CNOT2: variants seen among roughly 807,000 people sequenced by gnomAD.
CNOT2 encodes CCR4-NOT transcription complex subunit 2.
Under a neutral mutation model 72.1 loss-of-function variants are expected in CNOT2, and 7 were observed. The ratio of observed to expected loss-of-function variants is 0.10; its 90% CI spans 0.06 to 0.18. The LOEUF is 0.18. Among genes scored for constraint, CNOT2 ranks in the 10% least tolerant of loss-of-function variants. The pLI, the probability that CNOT2 is intolerant of heterozygous loss-of-function variation, is 1.00. For missense variants in CNOT2, 345 were observed against 660.3 expected, an observed-to-expected ratio of 0.52 and a Z score of 5.23; for synonymous variants, 196 against 225.6, an observed-to-expected ratio of 0.87 and a Z score of 1.17.
At chr12:70,248,611 G>A (rs894160625) in intron 1 of CNOT2, among the ~76,000 whole-genome samples, 5 of 152,080 alleles carry the variant, frequency 3.3e-5, no homozygotes, top group African/African-American at 1.2e-4. Flanking sequence ...TTGTTTAAGA[G>A]ATTGTGAGCC....
At chr12:70,349,873 T>TG (rs1033395345) in intron 15 of CNOT2, among the ~76,000 whole-genome samples, 35 of 151,948 alleles carry the variant, frequency 2.3e-4, no homozygotes, top group African/African-American at 8.2e-4. Context: ...CCAGGTGTGG[T>TG]GGTATGCTCC....
chr12:70,341,986 C>A, intron 11 of CNOT2, 121 bp from the exon 12 acceptor site: 1 of 736,642 alleles, frequency 1.4e-6, no homozygotes, highest in Non-Finnish European at 2.5e-6. Flanking sequence ...TCAGTAAACC[C>A]AAGTAAGGGA....
chr12:70,268,086 C>CG (rs1555188953), intron 1 of CNOT2, among the ~76,000 whole-genome samples: 4 of 152,208 alleles, frequency 2.6e-5, no homozygotes, highest in Non-Finnish European at 5.9e-5. Context: ...TCATAAAACT[C>CG]TAAGTTTTCT....
At chr12:70,307,293 CT>C (rs1875594840) in intron 2 of CNOT2, among the ~76,000 whole-genome samples, 1 of 152,140 alleles carries the variant, frequency 6.6e-6, no homozygotes, top group African/African-American at 2.4e-5. Flanking sequence ...CTCTTTAATA[CT>C]TGACTTAAAC....
chr12:70,243,207 G>GT (rs1388876387), upstream of CNOT2: 2 of 152,534 alleles, frequency 1.3e-5, no homozygotes, highest in African/African-American at 2.4e-5. Flanking sequence ...AAGCCTCCCT[G>GT]TGAGTCGGTG....
intron 2 of CNOT2, among the ~76,000 whole-genome samples, chr12:70,298,675 C>G (rs929352430): frequency 1.3e-5 from 2 of 151,208 alleles, no homozygotes; most frequent in Admixed American, 1.3e-4. Context: ...GTGAAAGTTT[C>G]AAAGAATGGG....
intron 4 of CNOT2, among the ~76,000 whole-genome samples, chr12:70,327,302 T>C (rs1271503712): frequency 6.6e-6 from 1 of 151,518 alleles, no homozygotes; most frequent in Non-Finnish European, 1.5e-5. Context: ...GACGTGGAGA[T>C]TTAGAAAAAA....
At position 70,294,653 on chromosome 12, in the gene CNOT2, A is replaced by C. The variant is rs577998737; in HGVS notation, c.49-16242A>C. On this transcript the variant is annotated intron_variant, in intron 2 of 15. Transcript: ENST00000229195. ...AGTTGGGGAAGGCCTAAGTCCATAG[A>C]CTATAATTTTGCCATATGTAACTTG... is the stretch of plus-strand genomic sequence containing the variant. Among the ~76,000 whole-genome samples, 5 of 152,330 alleles carry C rather than the reference A, an allele frequency of 3.3e-5. No individual in the cohort carries two copies. In the East Asian group the frequency reaches 7.7e-4, roughly 24 times the overall value.
At chr12:70,350,670 A>G (rs980872487) in intron 15 of CNOT2, among the ~76,000 whole-genome samples, 1 of 152,210 alleles carries the variant, frequency 6.6e-6, no homozygotes, top group Non-Finnish European at 1.5e-5. Context: ...ATTGTATAAA[A>G]TTACCCTCAG....
intron 2 of CNOT2, among the ~76,000 whole-genome samples, chr12:70,301,215 C>T (rs550294958): frequency 1.3e-5 from 2 of 152,208 alleles, no homozygotes; most frequent in African/African-American, 4.8e-5. Flanking sequence ...CCTTTATTTC[C>T]TTCTCCTGCC....
At chr12:70,342,407 T>C in intron 13 of CNOT2, 100 bp downstream of exon 13, 1 of 1,336,918 alleles carries the variant, frequency 7.5e-7, no homozygotes, top group Non-Finnish European at 1.1e-6. Context: ...TAATTAGTAA[T>C]GGTCTCAGGG....
In CNOT2 at chr12:70,296,763, C is replaced by A. The variant is rs1385584107; in HGVS notation, c.49-14132C>A. 2.7e-5 allele frequency among the ~76,000 whole-genome samples: 4 copies of A among 148,222 alleles called. No homozygotes were observed. In the East Asian group the frequency reaches 8.0e-4, roughly 30 times the overall value. Reference sequence around the variant, plus strand: ...CTTTCTGTCCTTTATTTAAGCCCCCCCCCCTTTTTAAATTGTTTTTCAAGA... The same window carrying A: ...CTTTCTGTCCTTTATTTAAGCCCCCACCCCTTTTTAAATTGTTTTTCAAGA... On this transcript the variant is annotated intron_variant, in intron 2 of 15. Coordinates refer to ENST00000229195, the MANE Select transcript of CNOT2 (RefSeq NM_014515.7).
At chr12:70,247,267 C>T (rs1255311707) in intron 1 of CNOT2, among the ~76,000 whole-genome samples, 1 of 152,008 alleles carries the variant, frequency 6.6e-6, no homozygotes, top group South Asian at 2.1e-4. Flanking sequence ...CGGGTTCAAG[C>T]GGTTCTCCTG....
intron 1 of CNOT2, chr12:70,243,922 G>T (rs1179057927): frequency 6.6e-6 from 1 of 152,278 alleles, no homozygotes; most frequent in Non-Finnish European, 1.5e-5. Flanking sequence ...GGCCGTGGCC[G>T]TGGCCGACGA....
chr12:70,308,555 T>TTCTCTCTCTCTCTC (rs3049213), intron 2 of CNOT2, among the ~76,000 whole-genome samples: 4 of 134,254 alleles, frequency 3.0e-5, no homozygotes, highest in East Asian at 4.8e-4. Flanking sequence ...TTGGTATATT[T>TTCTCTCTCTCTCTC]TCTCTCTCTC....
chr12:70,250,151 T>A (rs1031556707), intron 1 of CNOT2, among the ~76,000 whole-genome samples: 1 of 152,120 alleles, frequency 6.6e-6, no homozygotes, highest in African/African-American at 2.4e-5. Context: ...TGTAAAAAAA[T>A]TGTAATCCAA....
intron 1 of CNOT2, among the ~76,000 whole-genome samples, chr12:70,246,767 T>C (rs567262272): frequency 6.6e-6 from 1 of 152,340 alleles, no homozygotes; most frequent in South Asian, 2.1e-4. Context: ...AGAATTCAAC[T>C]CTTATGACTA....
chr12:70,273,815 T>C (rs1037075530), intron 1 of CNOT2, among the ~76,000 whole-genome samples: 15 of 152,164 alleles, frequency 9.9e-5, no homozygotes, highest in Admixed American at 8.5e-4. Flanking sequence ...GTGTATCAGA[T>C]GTGTAGAATC....
intron 1 of CNOT2, among the ~76,000 whole-genome samples, chr12:70,257,761 G>T (rs1958532908): frequency 6.6e-6 from 1 of 152,036 alleles, no homozygotes; most frequent in South Asian, 2.1e-4. Context: ...TCCACCACTA[G>T]ATCATGAGTA....
Sources: gnomAD v4.1 joint callset for allele counts (sites outside exome capture counted in the v4.1 genomes callset) on GRCh38, gnomAD v4.1.1 for gene constraint, MANE v1.5 for transcripts, NCBI Gene and HGNC (gene_info 2026-07-23, HGNC 2026-07-21) for gene names.